CAPN2: variants seen among roughly 807,000 people sequenced by gnomAD.
The protein encoded by CAPN2 is calpain-2 catalytic subunit.
A neutral mutation model predicts 102.3 loss-of-function variants in CAPN2; 92 were observed. That is an observed-to-expected ratio of 0.90 (90% CI 0.76 to 1.07). CAPN2 has a LOEUF of 1.07. CAPN2 is among the 50% of genes least tolerant of loss of function. CAPN2 has a pLI of 0.00. For missense variants in CAPN2, 800 were observed against 909.4 expected, an observed-to-expected ratio of 0.88 and a Z score of 1.55; for synonymous variants, 340 against 355.4, an observed-to-expected ratio of 0.96 and a Z score of 0.49.
chr1:223,721,686 T>C (rs916299595), intron 2 of CAPN2, among the ~76,000 whole-genome samples: 2 of 152,170 alleles, frequency 1.3e-5, no homozygotes, highest in African/African-American at 2.4e-5. Flanking sequence ...ACAGCCTAGC[T>C]CAGCAGAGAG....
Position 223,755,645 on chromosome 1 carries a change from A to G in CAPN2, c.1301A>G (p.Tyr434Cys), listed in dbSNP as rs760734874. 7.5e-6 allele frequency: 12 copies of G among 1,592,564 alleles called. No individual in the cohort carries two copies. Among genetic ancestry groups the G allele is most frequent in the Non-Finnish European group, 1.0e-5 (12 of 1,170,034 alleles). The change falls in exon 10 of 21, where the codon TAT becomes TGT. Residue 434 changes from tyrosine (Y) to cysteine (C), a missense_variant. Tyr to Cys is a radical substitution (Grantham distance 194). Transcript: ENST00000295006. This position sits in a 1 kb window ranked among gnomAD's most constrained non-coding sequence, Gnocchi z 4.1. The stretch of plus-strand genomic sequence containing the variant: ...ATGCACACCATCGGCTTTGGCATCT[A>G]TGAGGTGCAGAGCGCAGGGGCTCCT... Reference protein sequence around the residue: ...EDMHTIGFGIYEVPEELSGQT... With the variant: ...EDMHTIGFGICEVPEELSGQT...
rs757890363 is a variant in CAPN2, at chr1:223,772,193, A to C, written c.2033A>C (p.Gln678Pro). ...RLETLFKIFK[Q>P]LDPENTGTIE... ...TCTCCCTCCACAGAGATATTTAAGCAGCTGGATCCCGAGAATACTGGAACA... is the reference window on the plus strand; with the variant it reads ...TCTCCCTCCACAGAGATATTTAAGCCGCTGGATCCCGAGAATACTGGAACA... The change falls in exon 20 of 21, where the codon CAG (glutamine) becomes CCG (proline). Residue 678 changes from glutamine (Q) to proline (P), a missense_variant. Transcript: ENST00000295006. 1.2e-5 allele frequency: 20 copies of C among 1,614,158 alleles called. No homozygotes were observed. Among genetic ancestry groups the C allele is most frequent in the Non-Finnish European group, 1.7e-5 (20 of 1,179,994 alleles).
Position 223,737,711 on chromosome 1 carries a change from G to T in CAPN2, c.308-6389G>T, listed in dbSNP as rs1359066227. On this transcript the variant is annotated intron_variant, in intron 2 of 20. Coordinates refer to ENST00000295006, the MANE Select transcript of CAPN2 (RefSeq NM_001748.5). Reference sequence around the variant, plus strand: ...GCCTGACCAAAAGAGACGGGGCGGGGGGTGGGGGGGAGAGAATACAATAAC... The same window carrying T: ...GCCTGACCAAAAGAGACGGGGCGGGTGGTGGGGGGGAGAGAATACAATAAC... 1.1e-3 allele frequency among the ~76,000 whole-genome samples: 35 copies of T among 30,836 alleles called. 3 individuals are homozygous for T. Among genetic ancestry groups the T allele is most frequent in the Non-Finnish European group, 2.1e-3 (20 of 9,648 alleles). 20.2% of individuals were successfully genotyped at this position (30,836 alleles called of 152,430 possible). A position where few individuals can be genotyped will look rare whatever the true frequency, so the allele number is the denominator to read the frequency against.
At chr1:223,708,737 C>T (rs12074091), upstream of CAPN2, among the ~76,000 whole-genome samples, 29,619 of 151,218 alleles carry the variant, frequency 0.2, 3,245 homozygotes, top group African/African-American at 0.29. Flanking sequence ...CACCACTGCA[C>T]TCCAGCCTGG....
In CAPN2 at chr1:223,712,636, G is replaced by A. The variant is rs772617234; in HGVS notation, c.-5G>A. ...TCTGCGCAGTACGGCCGCCGGGACC[G>A]CAGCATGGCGGGCATCGCGGCCAAG... On this transcript the variant is annotated 5_prime_UTR_variant, in exon 1 of 21. Coordinates refer to ENST00000295006, the MANE Select transcript of CAPN2 (RefSeq NM_001748.5). The A allele has an allele frequency of 9.9e-6, 15 of 1,521,450 alleles. No homozygotes were observed. The South Asian group carries it at 1.6e-4, about 16-fold the overall frequency. 94.2% of individuals were successfully genotyped at this position (1,521,450 alleles called of 1,614,324 possible).
Position 223,755,692 on chromosome 1 carries a change from C to T in CAPN2, c.1305+43C>T, listed in dbSNP as rs1571810790. ...TCCTGCCCTCCCTTCCCCATGTGTT[C>T]ATCTCAGCCCCTGCATGGAAAGCTG... On this transcript the variant is annotated intron_variant, in intron 10 of 20. Coordinates refer to ENST00000295006, the MANE Select transcript of CAPN2 (RefSeq NM_001748.5). This position sits in a 1 kb window ranked among gnomAD's most constrained non-coding sequence, Gnocchi z 4.1. 6.7e-7 allele frequency: 1 copy of T among 1,497,468 alleles called. No homozygotes were observed. Among genetic ancestry groups the T allele is most frequent in the East Asian group, 2.4e-5 (1 of 41,912 alleles). The allele number at this position is 1,497,468 out of a possible 1,614,324, so 92.8% of individuals were successfully genotyped here.
chr1:223,775,138 C>G lies in CAPN2; in HGVS notation c.*281C>G. 1 of 395,488 alleles carries G rather than the reference C, an allele frequency of 2.5e-6. No homozygotes were observed. Among genetic ancestry groups the G allele is most frequent in the South Asian group, 4.9e-5 (1 of 20,384 alleles). The allele number at this position is 395,488 out of a possible 1,614,324, so 24.5% of individuals were successfully genotyped here. ...ATCTGTAAATAGTATACACTTTTTACTTTTACACACTTTCCTGTTCATAGC... is the reference window on the plus strand; with the variant it reads ...ATCTGTAAATAGTATACACTTTTTAGTTTTACACACTTTCCTGTTCATAGC... On this transcript the variant is annotated 3_prime_UTR_variant, in exon 21 of 21. Coordinates refer to ENST00000295006, the MANE Select transcript of CAPN2 (RefSeq NM_001748.5).
In CAPN2 at chr1:223,766,371, A is replaced by C. The variant is rs1356136249; in HGVS notation, c.1695A>C (p.Gln565His). 6.2e-7 allele frequency: 1 copy of C among 1,613,568 alleles called. No homozygotes were observed. Among genetic ancestry groups the C allele is most frequent in the East Asian group, 2.2e-5 (1 of 44,882 alleles). The change falls in exon 16 of 21, where the codon CAA becomes CAC. Residue 565 changes from glutamine (Q) to histidine (H), a missense_variant. Transcript: ENST00000295006. ...TILRRVLAKRQDIKSDGFSIE... is the reference protein window; with the variant it reads ...TILRRVLAKRHDIKSDGFSIE... Reference sequence around the variant, plus strand: ...CACACTGATTTTGTCTTTTAGGCCAAGATATCAAGTCAGATGGCTTCAGCA... The same window carrying C: ...CACACTGATTTTGTCTTTTAGGCCACGATATCAAGTCAGATGGCTTCAGCA...
intron 2 of CAPN2, among the ~76,000 whole-genome samples, chr1:223,737,327 G>C (rs1431416708): frequency 5.3e-5 from 8 of 152,352 alleles, no homozygotes; most frequent in Non-Finnish European, 2.9e-5. Flanking sequence ...GGTCTGTCAA[G>C]CCCGTGGTCA....
intron 2 of CAPN2, among the ~76,000 whole-genome samples, chr1:223,729,399 G>A (rs1303916437): frequency 1.3e-5 from 2 of 152,224 alleles, no homozygotes; most frequent in African/African-American, 2.4e-5. Flanking sequence ...ATGGTGTTAG[G>A]CAGTGTCAAC....
At chr1:223,762,449 G>T (rs1368284786) in intron 14 of CAPN2, among the ~76,000 whole-genome samples, 198 bp downstream of exon 14, 1 of 152,150 alleles carries the variant, frequency 6.6e-6, no homozygotes, top group Admixed American at 6.5e-5. Context: ...GCTGCCGGGG[G>T]CTTCCATTTG....
intron 1 of CAPN2, among the ~76,000 whole-genome samples, chr1:223,703,266 T>C (rs1444671308): frequency 6.6e-6 from 1 of 152,190 alleles, no homozygotes; most frequent in African/African-American, 2.4e-5. Flanking sequence ...ACCTATCTTA[T>C]AGGGCTATTC....
intron 6 of CAPN2, among the ~76,000 whole-genome samples, chr1:223,750,652 C>G (rs1456122076): frequency 5.9e-5 from 9 of 152,322 alleles, no homozygotes; most frequent in African/African-American, 1.9e-4. Flanking sequence ...CCTCGAGAGC[C>G]GGATCCTGGG....
chr1:223,775,751 A>G lies in CAPN2; in HGVS notation c.*894A>G, dbSNP rs1435130564. ...TGTTTCCTGGCTTTACCTTGGGAAA[A>G]TGCTAGCAACATTATAGAAATTTTG... is the stretch of plus-strand genomic sequence containing the variant. On this transcript the variant is annotated 3_prime_UTR_variant, in exon 21 of 21. Transcript: ENST00000295006. 1 of 152,626 alleles carries G rather than the reference A, an allele frequency of 6.6e-6. No individual in the cohort carries two copies. Among genetic ancestry groups the G allele is most frequent in the Non-Finnish European group, 1.5e-5 (1 of 68,034 alleles). 9.5% of individuals were successfully genotyped at this position (152,626 alleles called of 1,614,324 possible).
intron 1 of CAPN2, among the ~76,000 whole-genome samples, chr1:223,702,052 A>T (rs1659486855): frequency 2.6e-5 from 1 of 38,812 alleles, no homozygotes; most frequent in South Asian, 1.6e-3. Flanking sequence ...GGAGGGAAGA[A>T]GGAAGGAAGG....
rs546553838 is a variant in CAPN2 at position 223,723,103 on chromosome 1, G to A, written c.307+5272G>A. On this transcript the variant is annotated intron_variant, in intron 2 of 20. Transcript: ENST00000295006. ...TTTGGGAGGCTGGGGCAAGAGGATC[G>A]CTTGAACCCGAGTTTGGGACCAGCT... is the stretch of plus-strand genomic sequence containing the variant. 4.6e-5 allele frequency among the ~76,000 whole-genome samples: 7 copies of A among 152,196 alleles called. No homozygotes were observed. The South Asian group carries it at 6.2e-4, about 14-fold the overall frequency.
chr1:223,770,058 G>C, intron 17 of CAPN2, 149 bp downstream of exon 17: 1 of 719,064 alleles, frequency 1.4e-6, no homozygotes, highest in Non-Finnish European at 2.4e-6. Flanking sequence ...GTAAAGATGG[G>C]GCTGAGGAAA....
intron 2 of CAPN2, among the ~76,000 whole-genome samples, chr1:223,729,316 C>A (rs1213788438): frequency 1.3e-5 from 2 of 152,206 alleles, no homozygotes; most frequent in African/African-American, 4.8e-5. Flanking sequence ...GGCTTTGCCT[C>A]CTTAGATAAT....
In CAPN2 at chr1:223,756,820, A is replaced by G. The variant is rs1386427132; in HGVS notation, c.1306-549A>G. 3.9e-5 allele frequency among the ~76,000 whole-genome samples: 6 copies of G among 152,352 alleles called. No individual in the cohort carries two copies. The highest frequency in any genetic ancestry group is 1.4e-4 in the African/African-American group (6 of 41,584). On this transcript the variant is annotated intron_variant, in intron 10 of 20. Coordinates refer to ENST00000295006, the MANE Select transcript of CAPN2 (RefSeq NM_001748.5). The surrounding 1 kb of genome is among the most constrained non-coding windows in gnomAD (Gnocchi z 4.1). ...AGGACAATGCAAATGGAATTGTGATACACAGCTTCCCTCCCACCGGCTTAT... is the reference window on the plus strand; with the variant it reads ...AGGACAATGCAAATGGAATTGTGATGCACAGCTTCCCTCCCACCGGCTTAT...
Sources: gnomAD v4.1 joint callset for allele counts (sites outside exome capture counted in the v4.1 genomes callset) on GRCh38, gnomAD v4.1.1 for gene constraint, Gnocchi (gnomAD v3.1) non-coding constraint, MANE v1.5 for transcripts, NCBI Gene and HGNC (gene_info 2026-07-23, HGNC 2026-07-21) for gene names.